The following RPGRIP1 variants were observed in gnomAD, a reference collection of about 807,000 sequenced individuals.
RPGRIP1 encodes X-linked retinitis pigmentosa GTPase regulator-interacting protein 1.
In RPGRIP1, 128 loss-of-function variants were observed where a neutral mutation model predicts 157.9. The observed-to-expected ratio is 0.81, with a 90% CI of 0.70 to 0.94. RPGRIP1 has a LOEUF of 0.94. Among genes scored for constraint, RPGRIP1 ranks in the 40% least tolerant of loss-of-function variants. The probability of loss-of-function intolerance (pLI) is 0.00; values close to 1 mark genes in which losing one functional copy is unlikely to be tolerated. For missense variants in RPGRIP1, 1,486 were observed against 1,545.8 expected (o/e 0.96, Z 0.65); for synonymous variants, 554 against 571.6 (o/e 0.97, Z 0.44).
chr14:21,299,019 ATT>A (rs35963433), intron 3 of RPGRIP1, among the ~76,000 whole-genome samples: 1 of 140,684 alleles, frequency 7.1e-6, no homozygotes, highest in African/African-American at 2.6e-5. Context: ...AGAGTTGGTG[ATT>A]TTTTTTTTTT....
chr14:21,304,178 G>T (rs542483184), intron 6 of RPGRIP1, among the ~76,000 whole-genome samples: 5 of 151,366 alleles, frequency 3.3e-5, no homozygotes, highest in African/African-American at 9.7e-5. Flanking sequence ...AGCCAGGTAT[G>T]GTGGCCGGTG....
At chr14:21,330,472 G>T (rs949819592) in intron 20 of RPGRIP1, 85 bp downstream of exon 20, 42 of 991,566 alleles carry the variant, frequency 4.2e-5, no homozygotes, top group Middle Eastern at 2.3e-4. Flanking sequence ...TTCAAGAGCA[G>T]CCTGGCCAAC....
intron 21 of RPGRIP1, among the ~76,000 whole-genome samples, chr14:21,335,470 T>C (rs1320934625): frequency 6.6e-6 from 1 of 152,112 alleles, no homozygotes; most frequent in Non-Finnish European, 1.5e-5. Flanking sequence ...TGTAATTATC[T>C]ATTAAACAGT....
intron 21 of RPGRIP1, among the ~76,000 whole-genome samples, chr14:21,338,536 T>C (rs1424155651): frequency 1.3e-5 from 2 of 152,206 alleles, no homozygotes; most frequent in African/African-American, 4.8e-5. Context: ...ATATTACTAA[T>C]TGCATACTTT....
intron 11 of RPGRIP1, chr14:21,318,337 C>T: frequency 3.1e-6 from 1 of 318,296 alleles, no homozygotes; most frequent in South Asian, 2.3e-5. Context: ...GTCGTGAACT[C>T]CTGACCTCAG....
At position 21,321,328 on chromosome 14, in the gene RPGRIP1, G is replaced by T. The variant is rs763392584; in HGVS notation, c.1537G>T (p.Ala513Ser). ...QVLNELQVSH[A>S]ETTLELEKTR... ...GCTAAATGAGTTGCAAGTATCACACGCAGAGACCACATTGGAACTAGAAAA... is the reference window on the plus strand; with the variant it reads ...GCTAAATGAGTTGCAAGTATCACACTCAGAGACCACATTGGAACTAGAAAA... Residue 513 changes from alanine to serine, a missense_variant, in exon 13 of 25, where the codon GCA (alanine) becomes TCA (serine). Ala to Ser is a moderately conservative substitution (Grantham distance 99). Transcript: ENST00000400017. 1.0e-4 allele frequency: 169 copies of T among 1,613,764 alleles called. No homozygotes were observed. The highest frequency in any genetic ancestry group is 1.4e-4 in the Non-Finnish European group (167 of 1,179,834).
chr14:21,308,512 G>A (rs778966576), intron 7 of RPGRIP1, among the ~76,000 whole-genome samples: 3 of 152,152 alleles, frequency 2.0e-5, no homozygotes, highest in Non-Finnish European at 2.9e-5. Context: ...CCTATGCAGG[G>A]TATGGGCAGG....
intron 19 of RPGRIP1, among the ~76,000 whole-genome samples, chr14:21,329,036 C>T (rs975143802): frequency 8.6e-5 from 13 of 151,244 alleles, no homozygotes; most frequent in African/African-American, 1.7e-4. Flanking sequence ...CCCAGTTACT[C>T]GGGAGGCTGA....
At position 21,311,821 on chromosome 14, in the gene RPGRIP1, C is replaced by A; in HGVS notation, c.931-3C>A. 6.3e-7 allele frequency: 1 copy of A among 1,595,268 alleles called. No homozygotes were observed. Among genetic ancestry groups the A allele is most frequent in the Non-Finnish European group, 8.5e-7 (1 of 1,172,992 alleles). ...TCCCAGAGGTACTTTCCTTTTGACC[C>A]AGAATCAGGGAATCCTGAGTGCAGC... On this transcript the variant is annotated splice_region_variant and splice_polypyrimidine_tract_variant and intron_variant, in intron 8 of 24. Transcript: ENST00000400017.
chr14:21,334,977 C>T (rs1032027541), intron 21 of RPGRIP1, among the ~76,000 whole-genome samples: 9 of 140,318 alleles, frequency 6.4e-5, no homozygotes, highest in Admixed American at 1.6e-4. Flanking sequence ...ACCCGGGAGG[C>T]AGAGGTTGCA....
At chr14:21,303,105 T>C (rs1035320906) in intron 5 of RPGRIP1, 1 of 432,188 alleles carries the variant, frequency 2.3e-6, no homozygotes, top group Admixed American at 3.7e-5. Flanking sequence ...CCTGACCTTG[T>C]GATCTGCTCG....
At chr14:21,290,447 G>C (rs1289086707) in intron 2 of RPGRIP1, among the ~76,000 whole-genome samples, 1 of 152,206 alleles carries the variant, frequency 6.6e-6, no homozygotes, top group Non-Finnish European at 1.5e-5. Flanking sequence ...GCCAATGCAG[G>C]TGGATCACCT....
chr14:21,351,039 C>A, intron 24 of RPGRIP1, 65 bp from the exon 25 acceptor site: 1 of 875,540 alleles, frequency 1.1e-6, no homozygotes, highest in Non-Finnish European at 1.8e-6. Context: ...CAGTACCTAA[C>A]CTGACAAATA....
chr14:21,346,478 G>A (rs773139807), intron 23 of RPGRIP1, among the ~76,000 whole-genome samples: 3 of 152,164 alleles, frequency 2.0e-5, no homozygotes, highest in Non-Finnish European at 4.4e-5. Context: ...TTTGAATTTG[G>A]GAGGCGGAGG....
chr14:21,316,575 C>A lies in RPGRIP1; in HGVS notation c.1152-1121C>A, dbSNP rs534450780. 1.8e-4 allele frequency among the ~76,000 whole-genome samples: 28 copies of A among 151,806 alleles called. No individual in the cohort carries two copies. The South Asian group carries it at 5.8e-3, about 32-fold the overall frequency. The stretch of plus-strand genomic sequence containing the variant: ...AGGATTACAGGCACCTGCCACCACA[C>A]CCAGCTAACTTTTTGTATTTTCAGT... On this transcript the variant is annotated intron_variant, in intron 10 of 24. Coordinates refer to ENST00000400017, the MANE Select transcript of RPGRIP1 (RefSeq NM_020366.4).
intron 1 of RPGRIP1, among the ~76,000 whole-genome samples, chr14:21,283,751 G>A (rs753845595): frequency 6.6e-6 from 1 of 151,852 alleles, no homozygotes; most frequent in African/African-American, 2.4e-5. Flanking sequence ...TCCACCTGCC[G>A]GGTTGAAGCG....
chr14:21,326,203 GC>G, intron 17 of RPGRIP1, 30 bp downstream of exon 17: 1 of 1,423,450 alleles, frequency 7.0e-7, no homozygotes, highest in Non-Finnish European at 9.6e-7. Context: ...ACATCTTCAC[GC>G]CCTCTTCCCA....
intron 24 of RPGRIP1, among the ~76,000 whole-genome samples, chr14:21,349,234 T>C (rs1248576256): frequency 6.6e-6 from 1 of 151,176 alleles, no homozygotes; most frequent in African/African-American, 2.4e-5. Context: ...CCACGCCAGC[T>C]AATTTTTGTA....
intron 6 of RPGRIP1, among the ~76,000 whole-genome samples, chr14:21,305,044 C>T (rs972404758): frequency 1.3e-5 from 2 of 152,174 alleles, no homozygotes; most frequent in African/African-American, 4.8e-5. Flanking sequence ...CCTCGTAATC[C>T]GCCTGTCTCA....
Sources: gnomAD v4.1 joint callset for allele counts (sites outside exome capture counted in the v4.1 genomes callset) on GRCh38, gnomAD v4.1.1 for gene constraint, MANE v1.5 for transcripts, NCBI Gene and HGNC (gene_info 2026-07-23, HGNC 2026-07-21) for gene names.